The following PLA2G2C variants were observed in gnomAD, a reference collection of about 807,000 sequenced individuals.
PLA2G2C encodes the protein phospholipase A2 group IIC, also known as putative inactive group IIC secretory phospholipase A2.
PLA2G2C carries 15 observed loss-of-function variants against 14.3 expected under a neutral mutation model. The ratio of observed to expected loss-of-function variants is 1.05; its 90% CI spans 0.70 to 1.62. PLA2G2C has a LOEUF of 1.62. Among genes scored for constraint, PLA2G2C ranks in the 40% most tolerant of loss-of-function variants. The pLI, the probability that PLA2G2C is intolerant of heterozygous loss-of-function variation, is 0.00. For synonymous variants in PLA2G2C, 79 were observed against 67.7 expected, an observed-to-expected ratio of 1.17 and a Z score of -0.82; for missense variants, 162 against 173.2, an observed-to-expected ratio of 0.94 and a Z score of 0.36.
At position 20,163,694 on chromosome 1, in the gene PLA2G2C, G is replaced by C. The variant is rs2017909065; in HGVS notation, c.*297C>G. On this transcript the variant is annotated 3_prime_UTR_variant, in exon 5 of 5. Coordinates refer to ENST00000679259, the MANE Select transcript of PLA2G2C (RefSeq NM_001367969.2). ...TTACTGCATCATAGCACTTACTACAGTCTAATGTGTCTCTTACTTCTATAT... is the reference window on the plus strand; with the variant it reads ...TTACTGCATCATAGCACTTACTACACTCTAATGTGTCTCTTACTTCTATAT... 1 of 327,610 alleles carries C rather than the reference G, an allele frequency of 3.1e-6. No homozygotes were observed. Among genetic ancestry groups the C allele is most frequent in the South Asian group, 4.5e-5 (1 of 22,192 alleles). 20.3% of individuals were successfully genotyped at this position (327,610 alleles called of 1,614,324 possible). A position where few individuals can be genotyped will look rare whatever the true frequency, so the allele number is the denominator to read the frequency against.
intron 4 of PLA2G2C, among the ~76,000 whole-genome samples, chr1:20,165,770 A>G (rs554676292): frequency 8.6e-5 from 13 of 151,750 alleles, no homozygotes; most frequent in South Asian, 4.2e-4. Context: ...ATGTGTGTGT[A>G]TGTGCGTGCG....
chr1:20,179,299 C>T (rs911520366), intron 1 of PLA2G2C, among the ~76,000 whole-genome samples: 8 of 142,664 alleles, frequency 5.6e-5, no homozygotes, highest in African/African-American at 1.6e-4. Flanking sequence ...TGTGTGCGCG[C>T]GCACGTGCGT....
At chr1:20,171,965 G>A (rs1252747969) in intron 4 of PLA2G2C, among the ~76,000 whole-genome samples, 2 of 151,316 alleles carry the variant, frequency 1.3e-5, no homozygotes, top group Admixed American at 6.6e-5. Context: ...GGGTTTCACC[G>A]TGTTAGCCAG....
At position 20,172,881 on chromosome 1, in the gene PLA2G2C, G is replaced by T. The variant is rs761428384; in HGVS notation, c.196C>A (p.Pro66Thr). The T allele has an allele frequency of 6.2e-7, 1 of 1,613,782 alleles. No individual in the cohort carries two copies. Among genetic ancestry groups the T allele is most frequent in the South Asian group, 1.1e-5 (1 of 91,078 alleles). The change falls in exon 4 of 5, where the codon CCC (proline) becomes ACC (threonine). Residue 66 changes from proline (P) to threonine (T), a missense_variant. Coordinates refer to ENST00000679259, the MANE Select transcript of PLA2G2C (RefSeq NM_001367969.2). Reference sequence around the variant, plus strand: ...TCCTTCAGCTTCTCGTAGGGAGAGGGAGATGAGGGGCTGTGCCTGGAAGTG... The same window carrying T: ...TCCTTCAGCTTCTCGTAGGGAGAGGTAGATGAGGGGCTGTGCCTGGAAGTG... ...DDTDRHSPSSPSPYEKLKEFS... is the reference protein window; with the variant it reads ...DDTDRHSPSSTSPYEKLKEFS...
At chr1:20,172,059 G>A (rs1043507078) in intron 4 of PLA2G2C, among the ~76,000 whole-genome samples, 9 of 151,986 alleles carry the variant, frequency 5.9e-5, no homozygotes, top group African/African-American at 9.7e-5. Flanking sequence ...CACCGCGCCC[G>A]GCCAAGAAGC....
chr1:20,166,599 A>G (rs2017983982), intron 4 of PLA2G2C, among the ~76,000 whole-genome samples: 1 of 152,100 alleles, frequency 6.6e-6, no homozygotes, highest in Non-Finnish European at 1.5e-5. Flanking sequence ...CACCTTCCTC[A>G]GCCACCTTCT....
At position 20,172,858 on chromosome 1, in the gene PLA2G2C, C is replaced by G; in HGVS notation, c.219G>C (p.Lys73Asn). 1 of 1,613,906 alleles carries G rather than the reference C, an allele frequency of 6.2e-7. No individual in the cohort carries two copies. The highest frequency in any genetic ancestry group is 8.5e-7 in the Non-Finnish European group (1 of 1,179,866). Residue 73 changes from lysine to asparagine, a missense_variant, in exon 4 of 5, where the codon AAG becomes AAC. Physicochemically the swap from Lys to Asn is moderately conservative, Grantham distance 94. Coordinates refer to ENST00000679259, the MANE Select transcript of PLA2G2C (RefSeq NM_001367969.2). ...TCAACACAGGCTGGCAGCTGAACTC[C>G]TTCAGCTTCTCGTAGGGAGAGGGAG... is the stretch of plus-strand genomic sequence containing the variant. ...PSSPSPYEKL[K>N]EFSCQPVLNS...
At position 20,164,024 on chromosome 1, in the gene PLA2G2C, C is replaced by A. The variant is rs754723307; in HGVS notation, c.417G>T (p.Gln139His). Reference sequence around the variant, plus strand: ...AGGGCTTATGTCTGCCACACCTGGGCTGGCTGGAGAACTGCTTGAAGTTTT... The same window carrying A: ...AGGGCTTATGTCTGCCACACCTGGGATGGCTGGAGAACTGCTTGAAGTTTT... Reference protein sequence around the residue: ...YEKNFKQFSSQPRCGRHKPWC With the variant: ...YEKNFKQFSSHPRCGRHKPWC Residue 139 changes from glutamine to histidine, a missense_variant, in exon 5 of 5, where the codon CAG becomes CAT. Transcript: ENST00000679259. 4 of 1,613,402 alleles carry A rather than the reference C, an allele frequency of 2.5e-6. No individual in the cohort carries two copies. In the Admixed American group the frequency reaches 6.7e-5, roughly 27 times the overall value.
intron 2 of PLA2G2C, among the ~76,000 whole-genome samples, chr1:20,176,217 C>A (rs79114226): frequency 6.6e-6 from 1 of 152,018 alleles, no homozygotes; most frequent in East Asian, 1.9e-4. Context: ...CCGCGCCCGG[C>A]CCAGCATGTG....
At chr1:20,181,938 C>T (rs2018284649) in intron 1 of PLA2G2C, among the ~76,000 whole-genome samples, 1 of 152,164 alleles carries the variant, frequency 6.6e-6, no homozygotes, top group Non-Finnish European at 1.5e-5. Context: ...GTTGTTCTGC[C>T]ACTTCCTGAC....
chr1:20,168,928 CT>C lies in PLA2G2C; in HGVS notation c.283+3865del, dbSNP rs567032887. Among the ~76,000 whole-genome samples the C allele has an allele frequency of 3.8e-3, 576 of 152,344 alleles. 3 individuals carry two copies. The highest frequency in any genetic ancestry group is 0.013 in the African/African-American group (547 of 41,568). Reference sequence around the variant, plus strand: ...CACCAGGCAAATTGGGCCCTGGGCTCTGGTGACAGGCCTTTCTCTGCACTGA... The same window carrying C: ...CACCAGGCAAATTGGGCCCTGGGCTCGGTGACAGGCCTTTCTCTGCACTGA... On this transcript the variant is annotated intron_variant, in intron 4 of 4. Transcript: ENST00000679259.
At chr1:20,185,883 G>C (rs2018365903) in intron 1 of PLA2G2C, among the ~76,000 whole-genome samples, 1 of 152,196 alleles carries the variant, frequency 6.6e-6, no homozygotes, top group Admixed American at 6.5e-5. Flanking sequence ...ACGCTAGGAA[G>C]AGGAGGAGAG....
intron 4 of PLA2G2C, among the ~76,000 whole-genome samples, chr1:20,165,730 T>A (rs76968211): frequency 8.9e-6 from 1 of 112,800 alleles, no homozygotes; most frequent in African/African-American, 3.1e-5. Context: ...ATGTGTATGC[T>A]TGTGTGTGCA....
At chr1:20,180,681 G>T in intron 1 of PLA2G2C, among the ~76,000 whole-genome samples, 1 of 152,208 alleles carries the variant, frequency 6.6e-6, no homozygotes, top group East Asian at 1.9e-4. Flanking sequence ...CTCAGGCATG[G>T]TTCTCTCCAT....
At chr1:20,165,575 T>C (rs1038890759) in intron 4 of PLA2G2C, among the ~76,000 whole-genome samples, 1 of 152,192 alleles carries the variant, frequency 6.6e-6, no homozygotes, top group African/African-American at 2.4e-5. Context: ...TATGGGCCTT[T>C]GGGGTTCAGT....
chr1:20,180,886 A>C (rs2018269199), intron 1 of PLA2G2C, among the ~76,000 whole-genome samples: 1 of 152,204 alleles, frequency 6.6e-6, no homozygotes, highest in Non-Finnish European at 1.5e-5. Context: ...TGGACCCATC[A>C]ATTCAGCTTT....
At chr1:20,184,448 G>A (rs538399475) in intron 1 of PLA2G2C, 2 of 152,226 alleles carry the variant, frequency 1.3e-5, no homozygotes, top group Admixed American at 1.3e-4. Context: ...ACATTCCGAG[G>A]GCCACAGAGG....
Position 20,177,336 on chromosome 1 carries a change from G to A in PLA2G2C, c.28C>T (p.Leu10Phe). 1.4e-6 allele frequency: 1 copy of A among 700,874 alleles called. No homozygotes were observed. The highest frequency in any genetic ancestry group is 1.5e-5 in the South Asian group (1 of 67,458). The allele number at this position is 700,874 out of a possible 1,614,324, so 43.4% of individuals were successfully genotyped here. A position where few individuals can be genotyped will look rare whatever the true frequency, so the allele number is the denominator to read the frequency against. Residue 10 changes from leucine (L) to phenylalanine (F), a missense_variant, in exon 2 of 5, where the codon CTC becomes TTC. Leu to Phe is a conservative substitution (Grantham distance 22, BLOSUM62 0). Transcript: ENST00000679259. ...GCTCTCTACTTACAGCAGAAGAGGA[G>A]GAGGGTGAGGATGGCAATGACCTTC... MKVIAILTLLLFCSPTHSSF... is the reference protein window; with the variant it reads MKVIAILTLFLFCSPTHSSF...
chr1:20,166,901 T>A (rs1171755100), intron 4 of PLA2G2C, among the ~76,000 whole-genome samples: 1 of 152,210 alleles, frequency 6.6e-6, no homozygotes, highest in Non-Finnish European at 1.5e-5. Flanking sequence ...GGGCCTGTCA[T>A]GACCTGGATG....
Sources: gnomAD v4.1 joint callset for allele counts (sites outside exome capture counted in the v4.1 genomes callset) on GRCh38, gnomAD v4.1.1 for gene constraint, MANE v1.5 for transcripts, NCBI Gene and HGNC (gene_info 2026-07-23, HGNC 2026-07-21) for gene names.